The following CSMD3 variants were observed in gnomAD, a reference collection of about 807,000 sequenced individuals.
CSMD3 encodes CUB and sushi domain-containing protein 3.
In CSMD3, 177 loss-of-function variants were observed where a neutral mutation model predicts 435.2. The ratio of observed to expected loss-of-function variants is 0.41; its 90% confidence interval spans 0.36 to 0.46. The LOEUF is 0.46. Ranked by LOEUF, CSMD3 falls within the 20% of genes least tolerant of loss-of-function variation. CSMD3 has a pLI of 0.34. For missense variants in CSMD3, 4,265 were observed against 4,504.6 expected (o/e 0.95, Z 1.52); for synonymous variants, 1,656 against 1,520.5 (o/e 1.09, Z -2.07).
chr8:112,698,194 C>T (rs2076302080), intron 13 of CSMD3, among the ~76,000 whole-genome samples: 1 of 152,016 alleles, frequency 6.6e-6, no homozygotes, highest in African/African-American at 2.4e-5. Context: ...GGCAGACAGA[C>T]TTCTCACTAA....
intron 28 of CSMD3, among the ~76,000 whole-genome samples, chr8:112,511,363 G>A (rs1823100770): frequency 6.6e-6 from 1 of 150,890 alleles, no homozygotes; most frequent in Admixed American, 6.6e-5. Flanking sequence ...GAAATCTGGG[G>A]TAGCTGTGGC....
chr8:113,119,420 T>C (rs970563483), intron 4 of CSMD3, among the ~76,000 whole-genome samples: 2 of 152,094 alleles, frequency 1.3e-5, no homozygotes, highest in African/African-American at 4.8e-5. Context: ...CAAGTTCATG[T>C]AGTTAAAAAG....
At chr8:113,210,409 CA>C (rs1442184277) in intron 3 of CSMD3, among the ~76,000 whole-genome samples, 1 of 151,940 alleles carries the variant, frequency 6.6e-6, no homozygotes, top group Non-Finnish European at 1.5e-5. Context: ...ATTTAGAATA[CA>C]TATAGAATCT....
chr8:113,250,105 G>A (rs151329700), intron 3 of CSMD3, among the ~76,000 whole-genome samples: 240 of 152,094 alleles, frequency 1.6e-3, no homozygotes, highest in African/African-American at 5.7e-3. Flanking sequence ...AAACAGACAC[G>A]AACAACAGTT....
chr8:112,645,706 T>A (rs984495242), intron 19 of CSMD3, among the ~76,000 whole-genome samples: 2 of 152,148 alleles, frequency 1.3e-5, no homozygotes, highest in African/African-American at 4.8e-5. Context: ...CTAGGAAATA[T>A]TATGAACAAA....
intron 11 of CSMD3, among the ~76,000 whole-genome samples, chr8:112,831,417 T>C (rs542738772): frequency 2.6e-5 from 4 of 152,014 alleles, no homozygotes; most frequent in Middle Eastern, 3.4e-3. Context: ...CTAGGCAGTA[T>C]ACTTGCTAGG....
At chr8:112,697,053 T>C (rs7821681) in intron 13 of CSMD3, among the ~76,000 whole-genome samples, 109,176 of 141,838 alleles carry the variant, frequency 0.77, 42,395 homozygotes, top group African/African-American at 0.88. Flanking sequence ...GTTAGAATGG[T>C]GATCATTAAA....
At chr8:112,863,828 T>G (rs2080892429) in intron 10 of CSMD3, among the ~76,000 whole-genome samples, 1 of 151,566 alleles carries the variant, frequency 6.6e-6, no homozygotes, top group Non-Finnish European at 1.5e-5. Flanking sequence ...ATATAAGAAT[T>G]CCATGCCTAC....
intron 1 of CSMD3, among the ~76,000 whole-genome samples, chr8:113,375,415 G>A (rs929461624): frequency 2.0e-5 from 3 of 152,106 alleles, no homozygotes; most frequent in African/African-American, 7.2e-5. Context: ...CTATAATTTA[G>A]AAGTTATTTC....
chr8:112,320,040 G>T (rs1015583307), intron 45 of CSMD3, 59 bp from the exon 46 acceptor site: 2 of 1,079,622 alleles, frequency 1.9e-6, no homozygotes, highest in Non-Finnish European at 2.8e-6. Context: ...ATTCACATAT[G>T]CAAAAAAACA....
intron 27 of CSMD3, among the ~76,000 whole-genome samples, chr8:112,523,011 G>A (rs182237153): frequency 1.3e-5 from 2 of 151,928 alleles, no homozygotes; most frequent in Admixed American, 6.6e-5. Flanking sequence ...AAACACGCCG[G>A]TTTTCTTACT....
intron 10 of CSMD3, among the ~76,000 whole-genome samples, chr8:112,889,449 G>A (rs562326491): frequency 6.6e-6 from 1 of 151,702 alleles, no homozygotes; most frequent in South Asian, 2.1e-4. Context: ...GGAAGTTTGG[G>A]CTTTATCAAA....
intron 32 of CSMD3, among the ~76,000 whole-genome samples, chr8:112,454,688 C>T (rs1217847741): frequency 6.6e-6 from 1 of 151,976 alleles, no homozygotes; most frequent in Non-Finnish European, 1.5e-5. Context: ...TGGAGATTTT[C>T]CAAAGAACTT....
At chr8:112,576,315 T>A (rs561931482) in intron 23 of CSMD3, among the ~76,000 whole-genome samples, 42 of 152,184 alleles carry the variant, frequency 2.8e-4, no homozygotes, top group African/African-American at 9.9e-4. Flanking sequence ...ACTTGATACA[T>A]ATAAATTTTT....
chr8:113,032,930 G>A (rs941547548), intron 5 of CSMD3, among the ~76,000 whole-genome samples: 3 of 151,476 alleles, frequency 2.0e-5, no homozygotes, highest in Admixed American at 2.0e-4. Flanking sequence ...TGCCTAAAAG[G>A]GGTCAAGGCA....
chr8:113,097,079 C>T (rs899789657), intron 5 of CSMD3, among the ~76,000 whole-genome samples: 2 of 152,004 alleles, frequency 1.3e-5, no homozygotes, highest in Admixed American at 6.6e-5. Context: ...CAGGTTCTCA[C>T]CTATAACATC....
intron 5 of CSMD3, among the ~76,000 whole-genome samples, chr8:113,051,756 A>G (rs1443146140): frequency 6.6e-6 from 1 of 152,224 alleles, no homozygotes; most frequent in Non-Finnish European, 1.5e-5. Flanking sequence ...CACATTGCTT[A>G]CAGCATGAGG....
chr8:113,168,434 T>C (rs1471101123), intron 4 of CSMD3, among the ~76,000 whole-genome samples: 2 of 142,032 alleles, frequency 1.4e-5, no homozygotes, highest in African/African-American at 5.3e-5. Flanking sequence ...GGCAGGAGAA[T>C]CGCTTGAACC....
intron 27 of CSMD3, 143 bp downstream of exon 27, chr8:112,550,528 G>T: frequency 1.7e-6 from 1 of 582,480 alleles, no homozygotes. Flanking sequence ...TTTTACCTTT[G>T]CTGCAGAAAT....
Sources: gnomAD v4.1 joint callset for allele counts (sites outside exome capture counted in the v4.1 genomes callset) on GRCh38, gnomAD v4.1.1 for gene constraint, MANE v1.5 for transcripts, NCBI Gene and HGNC (gene_info 2026-07-23, HGNC 2026-07-21) for gene names.